The following NRXN3 variants were observed in gnomAD, a reference collection of about 807,000 sequenced individuals.
The protein encoded by NRXN3 is neurexin 3, also known as neurexin III.
NRXN3 carries 32 observed loss-of-function variants against 137.6 expected under a neutral mutation model. The observed-to-expected ratio is 0.23, with a 90% CI of 0.18 to 0.31. The LOEUF (loss-of-function observed/expected upper bound fraction) is 0.31, where lower values mean the gene tolerates loss of function less well. NRXN3 is among the 10% of genes least tolerant of loss of function. NRXN3 has a pLI of 1.00. For synonymous variants in NRXN3, 798 were observed against 784.5 expected (o/e 1.02, Z -0.29); for missense variants, 1,574 against 2,062.5 (o/e 0.76, Z 4.59).
intron 10 of NRXN3, among the ~76,000 whole-genome samples, chr14:78,875,589 C>A (rs1012268832): frequency 3.9e-5 from 6 of 152,120 alleles, no homozygotes; most frequent in South Asian, 2.1e-4. Context: ...TTTAAAGATA[C>A]CAACTCTCCA....
intron 4 of NRXN3, among the ~76,000 whole-genome samples, chr14:78,552,555 A>T (rs2096702926): frequency 6.6e-6 from 1 of 152,176 alleles, no homozygotes; most frequent in Non-Finnish European, 1.5e-5. Flanking sequence ...AGCCCCAGCT[A>T]CTCAGGAGGC....
intron 15 of NRXN3, among the ~76,000 whole-genome samples, chr14:79,026,108 T>G (rs1229162660): frequency 6.6e-6 from 1 of 152,088 alleles, no homozygotes; most frequent in Non-Finnish European, 1.5e-5. Flanking sequence ...ATAGAGAAAG[T>G]AGGACTGGAA....
chr14:79,539,914 C>T (rs971651105), intron 16 of NRXN3, among the ~76,000 whole-genome samples: 5 of 152,036 alleles, frequency 3.3e-5, no homozygotes, highest in Admixed American at 1.3e-4. Flanking sequence ...CTCTTTACCT[C>T]GTCGTCTTGC....
intron 8 of NRXN3, among the ~76,000 whole-genome samples, chr14:78,757,080 G>A (rs1420408322): frequency 6.6e-6 from 1 of 152,104 alleles, no homozygotes; most frequent in Non-Finnish European, 1.5e-5. Flanking sequence ...TGAATCTTAA[G>A]ACTGATGGTT....
intron 10 of NRXN3, among the ~76,000 whole-genome samples, chr14:78,875,542 T>C (rs1041418946): frequency 6.6e-6 from 1 of 152,204 alleles, no homozygotes; most frequent in Non-Finnish European, 1.5e-5. Context: ...ATAGAATATA[T>C]GGTACCCTGT....
intron 19 of NRXN3, among the ~76,000 whole-genome samples, chr14:79,799,244 T>C (rs1414363714): frequency 1.3e-5 from 2 of 152,188 alleles, no homozygotes. Flanking sequence ...GAAATACATA[T>C]TTTAACATGT....
intron 19 of NRXN3, among the ~76,000 whole-genome samples, chr14:79,714,665 C>T (rs1188591345): frequency 6.6e-6 from 1 of 152,088 alleles, no homozygotes; most frequent in African/African-American, 2.4e-5. Context: ...TTACATAAAA[C>T]AATGCCAGTC....
At chr14:78,835,320 G>A (rs1215720043) in intron 10 of NRXN3, among the ~76,000 whole-genome samples, 8 of 152,166 alleles carry the variant, frequency 5.3e-5, no homozygotes, top group South Asian at 2.1e-4. Flanking sequence ...AAACGGATTC[G>A]ACCAGCTGCT....
chr14:79,774,596 A>G (rs2099090698), intron 19 of NRXN3, among the ~76,000 whole-genome samples: 1 of 152,156 alleles, frequency 6.6e-6, no homozygotes, highest in South Asian at 2.1e-4. Flanking sequence ...ATGTCTTCGC[A>G]TTCATTATCA....
intron 15 of NRXN3, among the ~76,000 whole-genome samples, chr14:79,255,414 T>A (rs1457013332): frequency 6.6e-6 from 1 of 152,182 alleles, no homozygotes; most frequent in Non-Finnish European, 1.5e-5. Flanking sequence ...CAGTATAGGG[T>A]TAAGAGTATG....
At chr14:78,824,097 C>T (rs1197932328) in intron 10 of NRXN3, among the ~76,000 whole-genome samples, 2 of 101,118 alleles carry the variant, frequency 2.0e-5, no homozygotes, top group Non-Finnish European at 4.2e-5. Context: ...AATGGGTCAC[C>T]TGCTTCTTTT....
At chr14:78,844,457 C>A (rs994425519) in intron 10 of NRXN3, among the ~76,000 whole-genome samples, 4 of 152,084 alleles carry the variant, frequency 2.6e-5, no homozygotes, top group African/African-American at 9.7e-5. Context: ...AATTTAAGTT[C>A]TTGTTCTTTG....
At chr14:78,478,171 G>A (rs1442087588) in intron 4 of NRXN3, among the ~76,000 whole-genome samples, 3 of 152,192 alleles carry the variant, frequency 2.0e-5, no homozygotes, top group East Asian at 3.8e-4. Flanking sequence ...TACAACAGAA[G>A]TATGATGTCT....
intron 10 of NRXN3, among the ~76,000 whole-genome samples, chr14:78,813,444 G>A (rs148863629): frequency 2.0e-5 from 3 of 152,216 alleles, no homozygotes; most frequent in African/African-American, 4.8e-5. Flanking sequence ...GGTTTTCCCT[G>A]AGCCTTACCT....
intron 1 of NRXN3, among the ~76,000 whole-genome samples, chr14:78,219,034 A>G (rs567764931): frequency 6.6e-6 from 1 of 152,122 alleles, no homozygotes; most frequent in Non-Finnish European, 1.5e-5. Flanking sequence ...CACTTGTTAT[A>G]AGGACACCAG....
Position 78,481,520 on chromosome 14 carries a change from C to T in NRXN3, c.758-163600C>T, listed in dbSNP as rs17107727. ...TGACAGCCGGGGCTTTTTCAATGGA[C>T]TTATCTGCTGTCACAGAGACCCACT... is the stretch of plus-strand genomic sequence containing the variant. On this transcript the variant is annotated intron_variant, in intron 4 of 20. Transcript: ENST00000335750. 5.7e-3 allele frequency among the ~76,000 whole-genome samples: 864 copies of T among 152,240 alleles called. 40 individuals are homozygous for T. The East Asian group carries it at 0.095, about 17-fold the overall frequency.
intron 15 of NRXN3, among the ~76,000 whole-genome samples, chr14:79,090,527 C>T (rs572947168): frequency 6.6e-6 from 1 of 152,070 alleles, no homozygotes; most frequent in Non-Finnish European, 1.5e-5. Flanking sequence ...AGTGATCATG[C>T]ATCTGTTTTT....
chr14:79,725,179 G>A (rs989663374), intron 19 of NRXN3, among the ~76,000 whole-genome samples: 1 of 152,148 alleles, frequency 6.6e-6, no homozygotes, highest in Non-Finnish European at 1.5e-5. Context: ...TAGAAAAACT[G>A]TTTTTGGTCT....
chr14:79,008,744 C>T (rs2099562253), intron 15 of NRXN3, among the ~76,000 whole-genome samples: 1 of 151,504 alleles, frequency 6.6e-6, no homozygotes, highest in Non-Finnish European at 1.5e-5. Context: ...CTGCAACCTC[C>T]ACCCCTTGGG....
Sources: allele counts gnomAD v4.1 joint callset (sites outside exome capture counted in the v4.1 genomes callset), GRCh38; gene constraint gnomAD v4.1.1; transcripts MANE v1.5; gene names NCBI Gene and HGNC (gene_info 2026-07-23, HGNC 2026-07-21).